The following MATCAP2 variants were observed in gnomAD, a reference collection of about 807,000 sequenced individuals.
MATCAP2 encodes microtubule associated tyrosine carboxypeptidase 2, also known as putative tyrosine carboxypeptidase MATCAP2.
At chr7:36,345,961 G>C in the MATCAP2 span, among the ~76,000 whole-genome samples, 1 of 152,132 alleles carries the variant, frequency 6.6e-6, no homozygotes, top group Non-Finnish European at 1.5e-5. Flanking sequence ...AATATATAAA[G>C]AACTCCTGCA....
the MATCAP2 span, chr7:36,326,714 T>C: frequency 1.3e-6 from 2 of 1,531,380 alleles, no homozygotes; most frequent in African/African-American, 2.8e-5. Context: ...TAACTGGTAA[T>C]ATACATGGAG....
chr7:36,383,497 G>A, the MATCAP2 span, among the ~76,000 whole-genome samples: 1 of 152,182 alleles, frequency 6.6e-6, no homozygotes, highest in Non-Finnish European at 1.5e-5. Context: ...AAAAGGATGA[G>A]TTCGTGTCCT....
At chr7:36,337,117 A>AAAAAAAAAAAAAAAAAAAAAAAAAC in the MATCAP2 span, among the ~76,000 whole-genome samples, 1 of 146,776 alleles carries the variant, frequency 6.8e-6, no homozygotes, top group Non-Finnish European at 1.5e-5. Flanking sequence ...AAAAAAAAAA[A>AAAAAAAAAAAAAAAAAAAAAAAAAC]AAAAAAAAGC....
the MATCAP2 span, among the ~76,000 whole-genome samples, chr7:36,354,446 C>G: frequency 1.3e-5 from 2 of 152,210 alleles, no homozygotes; most frequent in Non-Finnish European, 2.9e-5. Context: ...TGCCTGTTTA[C>G]CAAGATTCAG....
chr7:36,371,075 G>T, the MATCAP2 span, among the ~76,000 whole-genome samples: 2 of 152,130 alleles, frequency 1.3e-5, no homozygotes, highest in African/African-American at 4.8e-5. Flanking sequence ...TAGCAGGATT[G>T]TTATGTTATA....
chr7:36,365,377 C>A, the MATCAP2 span, among the ~76,000 whole-genome samples: 1 of 152,084 alleles, frequency 6.6e-6, no homozygotes, highest in South Asian at 2.1e-4. Context: ...AGAACAGCAT[C>A]CCACAAGGAA....
the MATCAP2 span, chr7:36,326,079 T>C: frequency 6.6e-6 from 1 of 151,944 alleles, no homozygotes; most frequent in Non-Finnish European, 1.5e-5. Flanking sequence ...CTGTAAAAAA[T>C]TTAAAAGGGT....
chr7:36,367,208 G>T, the MATCAP2 span: 1 of 1,170,570 alleles, frequency 8.5e-7, no homozygotes, highest in Non-Finnish European at 1.1e-6. Flanking sequence ...ACCTGCCACC[G>T]TGACGTAGCC....
At chr7:36,345,018 G>A in the MATCAP2 span, among the ~76,000 whole-genome samples, 1 of 152,108 alleles carries the variant, frequency 6.6e-6, no homozygotes, top group African/African-American at 2.4e-5. Context: ...CTCCTAGTCC[G>A]CATGAATCTG....
the MATCAP2 span, chr7:36,324,762 T>C: frequency 6.6e-6 from 1 of 152,264 alleles, no homozygotes; most frequent in Non-Finnish European, 1.5e-5. Flanking sequence ...TCATTTTGTC[T>C]GCAGAGTGCT....
At chr7:36,377,078 T>C in the MATCAP2 span, among the ~76,000 whole-genome samples, 45 of 152,344 alleles carry the variant, frequency 3.0e-4, no homozygotes, top group African/African-American at 8.2e-4. Context: ...TGTCTTTTAA[T>C]TGGGGCATTT....
chr7:36,348,502 C>A, the MATCAP2 span, among the ~76,000 whole-genome samples: 1 of 152,302 alleles, frequency 6.6e-6, no homozygotes, highest in Non-Finnish European at 1.5e-5. Flanking sequence ...GAACTTGACC[C>A]CTGGGTCACA....
the MATCAP2 span, among the ~76,000 whole-genome samples, chr7:36,330,038 C>T: frequency 8.6e-5 from 12 of 139,118 alleles, no homozygotes; most frequent in African/African-American, 2.7e-4. Flanking sequence ...AAAACTGTGC[C>T]GATCTTTTTT....
At chr7:36,364,593 G>GA in the MATCAP2 span, among the ~76,000 whole-genome samples, 9 of 150,426 alleles carry the variant, frequency 6.0e-5, no homozygotes, top group South Asian at 2.1e-4. Flanking sequence ...TTTTAGAGCT[G>GA]AAAAAAAAAT....
chr7:36,326,510 A>G, the MATCAP2 span: 1 of 278,462 alleles, frequency 3.6e-6, no homozygotes, highest in Non-Finnish European at 6.7e-6. Context: ...AATGCTCAGC[A>G]GTAGTATTTT....
At chr7:36,387,852 T>C in the MATCAP2 span, among the ~76,000 whole-genome samples, 63,141 of 151,994 alleles carry the variant, frequency 0.42, 13,662 homozygotes, top group African/African-American at 0.51. Flanking sequence ...AAATTTCTAA[T>C]GACTCATTTT....
At chr7:36,336,898 C>A in the MATCAP2 span, among the ~76,000 whole-genome samples, 1 of 151,500 alleles carries the variant, frequency 6.6e-6, no homozygotes, top group Non-Finnish European at 1.5e-5. Flanking sequence ...AGCTCAAGAC[C>A]AGCCTGGTCC....
the MATCAP2 span, chr7:36,335,203 C>A: frequency 6.2e-7 from 1 of 1,610,396 alleles, no homozygotes. Flanking sequence ...AAAAAGTACA[C>A]AGACATAAAA....
chr7:36,370,904 T>C, the MATCAP2 span, among the ~76,000 whole-genome samples: 6 of 152,262 alleles, frequency 3.9e-5, no homozygotes, highest in Non-Finnish European at 8.8e-5. Flanking sequence ...CTTACTGAGA[T>C]ATACTCACTT....
Sources: allele counts gnomAD v4.1 joint callset (sites outside exome capture counted in the v4.1 genomes callset), GRCh38; gene constraint gnomAD v4.1.1; transcripts MANE v1.5; gene names NCBI Gene and HGNC (gene_info 2026-07-23, HGNC 2026-07-21).